The following WWOX variants were observed in gnomAD, a reference collection of about 807,000 sequenced individuals.
WWOX encodes WW domain containing oxidoreductase.
Under a neutral mutation model 46.2 loss-of-function variants are expected in WWOX, and 69 were observed. The observed-to-expected ratio is 1.49, with a 90% CI of 1.23 to 1.82. The LOEUF is 1.82. Ranked by LOEUF, WWOX falls within the 40% of genes most tolerant of loss-of-function variation. The pLI, the probability that WWOX is intolerant of heterozygous loss-of-function variation, is 0.00. For missense variants in WWOX, 919 were observed against 542.6 expected (o/e 1.69, Z -6.89); for synonymous variants, 359 against 202.6 (o/e 1.77, Z -6.56).
chr16:78,791,018 CAAAA>C (rs775592585), intron 8 of WWOX, among the ~76,000 whole-genome samples: 42 of 62,438 alleles, frequency 6.7e-4, no homozygotes, highest in Middle Eastern at 0.013. Flanking sequence ...GACCCTGTCT[CAAAA>C]AAAAAAAAAA....
At chr16:78,826,261 G>T (rs1168369495) in intron 8 of WWOX, among the ~76,000 whole-genome samples, 3 of 152,270 alleles carry the variant, frequency 2.0e-5, no homozygotes, top group East Asian at 1.9e-4. Context: ...CAGGAGAATC[G>T]CTTGAACCCG....
At chr16:78,948,697 C>T (rs902654316) in intron 8 of WWOX, among the ~76,000 whole-genome samples, 1 of 152,106 alleles carries the variant, frequency 6.6e-6, no homozygotes, top group Non-Finnish European at 1.5e-5. Context: ...ACTTTTGGGG[C>T]TGGTGGTAGG....
chr16:78,657,753 T>G (rs2047114374), intron 8 of WWOX, among the ~76,000 whole-genome samples: 1 of 152,222 alleles, frequency 6.6e-6, no homozygotes, highest in African/African-American at 2.4e-5. Flanking sequence ...AGGCTCCCTC[T>G]CTTGGGCCAA....
At chr16:78,448,791 G>A (rs969443400) in intron 8 of WWOX, among the ~76,000 whole-genome samples, 2 of 152,126 alleles carry the variant, frequency 1.3e-5, no homozygotes, top group Admixed American at 6.5e-5. Flanking sequence ...CCAGAGTGTT[G>A]CCTTCCTTTT....
At chr16:78,850,197 T>TA (rs1164981628) in intron 8 of WWOX, among the ~76,000 whole-genome samples, 2 of 151,900 alleles carry the variant, frequency 1.3e-5, no homozygotes, top group South Asian at 2.1e-4. Flanking sequence ...GAGAAAACAA[T>TA]AAAAAAATAG....
In WWOX at chr16:78,820,254, G is replaced by C. The variant is rs550177935; in HGVS notation, c.1056+387502G>C. On this transcript the variant is annotated intron_variant, in intron 8 of 8. Coordinates refer to ENST00000566780, the MANE Select transcript of WWOX (RefSeq NM_016373.4). ...GACACTGCTAAGTTTTGATGCCAAAGAGCCAAATTTGCAGTACCAGAATGT... is the reference window on the plus strand; with the variant it reads ...GACACTGCTAAGTTTTGATGCCAAACAGCCAAATTTGCAGTACCAGAATGT... Among the ~76,000 whole-genome samples, 24 of 152,292 alleles carry C rather than the reference G, an allele frequency of 1.6e-4. No individual in the cohort carries two copies. The East Asian group carries it at 1.9e-3, about 12-fold the overall frequency.
intron 5 of WWOX, among the ~76,000 whole-genome samples, chr16:78,268,743 A>G (rs1211468184): frequency 4.6e-5 from 7 of 152,158 alleles, no homozygotes. Flanking sequence ...TGACTTCCCC[A>G]TTTTATAATT....
intron 8 of WWOX, among the ~76,000 whole-genome samples, chr16:79,027,741 C>T (rs1193133729): frequency 6.6e-6 from 1 of 150,378 alleles, no homozygotes; most frequent in Non-Finnish European, 1.5e-5. Context: ...CAGAATGTCT[C>T]TTTTTTGATT....
intron 8 of WWOX, among the ~76,000 whole-genome samples, chr16:79,040,566 G>A (rs2047951787): frequency 6.6e-6 from 1 of 152,124 alleles, no homozygotes; most frequent in South Asian, 2.1e-4. Flanking sequence ...ATCAGCCACT[G>A]GGCCTGGCCT....
intron 8 of WWOX, among the ~76,000 whole-genome samples, chr16:79,174,046 A>G (rs1225917334): frequency 6.6e-6 from 1 of 152,212 alleles, no homozygotes; most frequent in Non-Finnish European, 1.5e-5. Context: ...CGCAATTGTA[A>G]GTGGTGCTCA....
In WWOX at chr16:78,101,508, G is replaced by C. The variant is rs186031371; in HGVS notation, c.107+1623G>C. 2.6e-5 allele frequency among the ~76,000 whole-genome samples: 4 copies of C among 152,142 alleles called. No individual in the cohort carries two copies. The East Asian group carries it at 7.8e-4, about 29-fold the overall frequency. ...ATTACAGGCGCCCGCCACCAGGCCT[G>C]GCTAATTTCGCGCTGTTGGCCCGGC... On this transcript the variant is annotated intron_variant, in intron 1 of 8. Coordinates refer to ENST00000566780, the MANE Select transcript of WWOX (RefSeq NM_016373.4).
At chr16:78,492,032 G>C (rs1222770249) in intron 8 of WWOX, among the ~76,000 whole-genome samples, 3 of 52,948 alleles carry the variant, frequency 5.7e-5, no homozygotes, top group African/African-American at 1.2e-4. Context: ...GACAAAGGGA[G>C]TGGGGGTGTG....
At chr16:78,702,667 A>G (rs2048249716) in intron 8 of WWOX, among the ~76,000 whole-genome samples, 1 of 35,596 alleles carries the variant, frequency 2.8e-5, no homozygotes, top group Non-Finnish European at 7.2e-5. Flanking sequence ...AAAAAAGAAC[A>G]AAAAAAAAAA....
At chr16:78,653,859 T>C (rs1012136770) in intron 8 of WWOX, among the ~76,000 whole-genome samples, 4 of 152,156 alleles carry the variant, frequency 2.6e-5, no homozygotes, top group Non-Finnish European at 4.4e-5. Flanking sequence ...ATATTTTGAG[T>C]TGGGTTTGAA....
chr16:78,741,113 G>A (rs1239112926), intron 8 of WWOX, among the ~76,000 whole-genome samples: 1 of 152,132 alleles, frequency 6.6e-6, no homozygotes. Context: ...TGCCTGTTAG[G>A]TTAGGAACTG....
chr16:78,677,813 A>G (rs2047638964), intron 8 of WWOX, among the ~76,000 whole-genome samples: 1 of 152,172 alleles, frequency 6.6e-6, no homozygotes, highest in Non-Finnish European at 1.5e-5. Context: ...GTGACATCAC[A>G]TTGTATTTCC....
At chr16:78,728,307 C>T (rs6564581) in intron 8 of WWOX, among the ~76,000 whole-genome samples, 85,348 of 151,806 alleles carry the variant, frequency 0.56, 25,871 homozygotes, top group African/African-American at 0.79. Flanking sequence ...TGAGCTCAAG[C>T]GATTCTCCCG....
chr16:78,319,260 AAC>A (rs2080416331), intron 5 of WWOX, among the ~76,000 whole-genome samples: 1 of 151,834 alleles, frequency 6.6e-6, no homozygotes, highest in Non-Finnish European at 1.5e-5. Flanking sequence ...ACCAGAAGGG[AAC>A]ACACCTTGCT....
intron 4 of WWOX, among the ~76,000 whole-genome samples, chr16:78,129,167 C>T (rs746513160): frequency 2.6e-5 from 4 of 152,106 alleles, no homozygotes; most frequent in Non-Finnish European, 4.4e-5. Context: ...CGCCACTTGC[C>T]CAGTGTTTCT....
Sources: gnomAD v4.1 joint callset for allele counts (sites outside exome capture counted in the v4.1 genomes callset) on GRCh38, gnomAD v4.1.1 for gene constraint, MANE v1.5 for transcripts, NCBI Gene and HGNC (gene_info 2026-07-23, HGNC 2026-07-21) for gene names.